The following DOCK2 variants were observed in gnomAD, a reference collection of about 807,000 sequenced individuals.
The protein encoded by DOCK2 is dedicator of cytokinesis protein 2.
In DOCK2, 87 loss-of-function variants were observed where a neutral mutation model predicts 248.9. The ratio of observed to expected loss-of-function variants is 0.35; its 90% confidence interval spans 0.29 to 0.42. The LOEUF is 0.42. DOCK2 is among the 10% of genes least tolerant of loss of function. The pLI, the probability that DOCK2 is intolerant of heterozygous loss-of-function variation, is 1.00. For synonymous variants in DOCK2, 805 were observed against 821.6 expected (o/e 0.98, Z 0.35); for missense variants, 1,747 against 2,300.2 (o/e 0.76, Z 4.92).
At chr5:169,803,487 C>A (rs920302380) in intron 26 of DOCK2, among the ~76,000 whole-genome samples, 2 of 152,172 alleles carry the variant, frequency 1.3e-5, no homozygotes, top group African/African-American at 4.8e-5. Context: ...GATGGCTTGT[C>A]CACGTACTCA....
intron 25 of DOCK2, among the ~76,000 whole-genome samples, chr5:169,800,193 C>A (rs1326778526): frequency 6.6e-6 from 1 of 152,176 alleles, no homozygotes; most frequent in East Asian, 1.9e-4. Flanking sequence ...AAAGCAGAAT[C>A]AAAATTTTTG....
intron 23 of DOCK2, among the ~76,000 whole-genome samples, chr5:169,748,280 T>C (rs1431606426): frequency 6.6e-6 from 1 of 152,106 alleles, no homozygotes; most frequent in South Asian, 2.1e-4. Flanking sequence ...TTAGCTAGAA[T>C]GAAGGTGAGG....
chr5:169,840,762 C>G lies in DOCK2; in HGVS notation c.2709C>G (p.Phe903Leu). 1 of 1,613,884 alleles carries G rather than the reference C, an allele frequency of 6.2e-7. No homozygotes were observed. The highest frequency in any genetic ancestry group is 1.1e-5 in the South Asian group (1 of 91,066). Residue 903 changes from phenylalanine (F) to leucine (L), a missense_variant, in exon 27 of 52, where the codon TTC (phenylalanine) becomes TTG (leucine). By Grantham distance (22) the Phe-to-Leu change is conservative. Around this residue, in one of 4 missense-constraint regions of DOCK2, gnomAD observed 858 missense variants for 1,183.5 expected, o/e 0.72. Coordinates refer to ENST00000520908, the MANE Select transcript of DOCK2 (RefSeq NM_004946.3). ...LEVLSYQDAA[F>L]TYHHIQEIMV... Reference sequence around the variant, plus strand: ...TGTCTCTGACTGTTTTACAGGCCTTCACCTACCACCATATCCAGGAGATCA... The same window carrying G: ...TGTCTCTGACTGTTTTACAGGCCTTGACCTACCACCATATCCAGGAGATCA...
At chr5:169,891,545 A>G (rs1189846774) in intron 27 of DOCK2, among the ~76,000 whole-genome samples, 3 of 152,174 alleles carry the variant, frequency 2.0e-5, no homozygotes, top group Non-Finnish European at 4.4e-5. Flanking sequence ...CTAAAACAGA[A>G]TAAAGTGGAG....
chr5:170,079,872 A>G, intron 49 of DOCK2: 1 of 310,504 alleles, frequency 3.2e-6, no homozygotes, highest in Non-Finnish European at 5.9e-6. Flanking sequence ...TCTTGCGTGG[A>G]TGGATAAGAA....
chr5:169,682,036 C>T (rs529617550), intron 7 of DOCK2, among the ~76,000 whole-genome samples, 157 bp downstream of exon 7: 8 of 152,298 alleles, frequency 5.3e-5, no homozygotes, highest in East Asian at 3.9e-4. Context: ...ACTGTGGTTT[C>T]GTACTCAAAT....
At chr5:169,866,564 T>TG (rs1561777380) in intron 27 of DOCK2, among the ~76,000 whole-genome samples, 1 of 152,226 alleles carries the variant, frequency 6.6e-6, no homozygotes, top group African/African-American at 2.4e-5. Context: ...GGCCCTGTTC[T>TG]GGCTGCTGAG....
Position 169,637,301 on chromosome 5 carries a change from GGAGGACGC to G in DOCK2, c.-21_-14del. ...GCCACCCCCTGACGGCTTCCCCACGGGAGGACGCGAGGCCCCGGCCCAGCCATGGCCCC... is the reference window on the plus strand; with the variant it reads ...GCCACCCCCTGACGGCTTCCCCACGGGAGGCCCCGGCCCAGCCATGGCCCC... On this transcript the variant is annotated 5_prime_UTR_variant, in exon 1 of 52. Coordinates refer to ENST00000520908, the MANE Select transcript of DOCK2 (RefSeq NM_004946.3). The G allele has an allele frequency of 7.0e-7, 1 of 1,431,556 alleles. No individual in the cohort carries two copies. 88.7% of individuals were successfully genotyped at this position (1,431,556 alleles called of 1,614,324 possible). A position where few individuals can be genotyped will look rare whatever the true frequency, so the allele number is the denominator to read the frequency against.
intron 6 of DOCK2, among the ~76,000 whole-genome samples, chr5:169,679,392 G>A (rs768168579): frequency 4.6e-5 from 7 of 152,080 alleles, no homozygotes; most frequent in Non-Finnish European, 8.8e-5. Context: ...CAGAGGCTGT[G>A]GAGGACAGCC....
At chr5:170,059,873 C>T (rs2113861001) in intron 44 of DOCK2, among the ~76,000 whole-genome samples, 1 of 152,306 alleles carries the variant, frequency 6.6e-6, no homozygotes, top group Non-Finnish European at 1.5e-5. Context: ...CCGATGGCTT[C>T]TCATAGATGG....
intron 27 of DOCK2, among the ~76,000 whole-genome samples, chr5:169,848,020 C>T (rs773411003): frequency 1.1e-4 from 17 of 152,126 alleles, no homozygotes; most frequent in Non-Finnish European, 2.2e-4. Flanking sequence ...GAGAGCCTGC[C>T]TTTCCTGGGG....
chr5:169,855,541 G>C (rs929924256), intron 27 of DOCK2, among the ~76,000 whole-genome samples: 12 of 152,174 alleles, frequency 7.9e-5, no homozygotes, highest in African/African-American at 2.7e-4. Context: ...GATGCAACTA[G>C]AGATATAAAA....
chr5:170,038,306 C>T (rs1350299413), intron 36 of DOCK2, among the ~76,000 whole-genome samples: 1 of 152,154 alleles, frequency 6.6e-6, no homozygotes, highest in Non-Finnish European at 1.5e-5. Flanking sequence ...ACACAGACGG[C>T]AAATCCCAGA....
At chr5:170,054,724 A>G (rs753976442) in intron 41 of DOCK2, among the ~76,000 whole-genome samples, 8 of 152,246 alleles carry the variant, frequency 5.3e-5, no homozygotes, top group Non-Finnish European at 1.2e-4. Flanking sequence ...CAGATAGTCC[A>G]GAGTCTCCAC....
At chr5:170,029,544 T>A (rs1756050007) in intron 34 of DOCK2, among the ~76,000 whole-genome samples, 2 of 152,176 alleles carry the variant, frequency 1.3e-5, no homozygotes, top group African/African-American at 4.8e-5. Context: ...AACTGAATAA[T>A]TATAAAGCAT....
intron 27 of DOCK2, among the ~76,000 whole-genome samples, chr5:169,976,566 G>A (rs758224999): frequency 3.3e-5 from 5 of 152,068 alleles, no homozygotes; most frequent in Non-Finnish European, 5.9e-5. Context: ...TACTTTAGAA[G>A]TTTTCAAGTG....
chr5:169,963,199 G>A (rs968117091), intron 27 of DOCK2, among the ~76,000 whole-genome samples: 4 of 152,168 alleles, frequency 2.6e-5, no homozygotes, highest in Non-Finnish European at 4.4e-5. Flanking sequence ...TCATAATGTT[G>A]CCTCTTTAAA....
At chr5:169,937,777 G>C (rs1373428785) in intron 27 of DOCK2, among the ~76,000 whole-genome samples, 1 of 152,198 alleles carries the variant, frequency 6.6e-6, no homozygotes, top group Non-Finnish European at 1.5e-5. Flanking sequence ...GGTCCTGAGG[G>C]TCCTCATTGT....
intron 22 of DOCK2, among the ~76,000 whole-genome samples, chr5:169,728,497 A>G (rs563040288): frequency 1.3e-5 from 2 of 152,296 alleles, no homozygotes; most frequent in Admixed American, 6.5e-5. Flanking sequence ...TTGTCATTCC[A>G]GGAACCAGGA....
Sources: allele counts gnomAD v4.1 joint callset (sites outside exome capture counted in the v4.1 genomes callset), GRCh38; gene constraint gnomAD v4.1.1; regional missense constraint gnomAD v4.1.1; transcripts MANE v1.5; gene names NCBI Gene and HGNC (gene_info 2026-07-23, HGNC 2026-07-21).